UNC13C: variants seen among roughly 807,000 people sequenced by gnomAD.
The protein encoded by UNC13C is unc-13 homolog C.
In UNC13C, 174 loss-of-function variants were observed where a neutral mutation model predicts 245.4. The observed-to-expected ratio is 0.71, with a 90% CI of 0.63 to 0.80. The LOEUF (loss-of-function observed/expected upper bound fraction) is 0.80. Ranked by LOEUF, UNC13C falls within the 30% of genes least tolerant of loss-of-function variation. The pLI, the probability that UNC13C is intolerant of heterozygous loss-of-function variation, is 0.00. For synonymous variants in UNC13C, 992 were observed against 895.1 expected, an observed-to-expected ratio of 1.11 and a Z score of -1.93; for missense variants, 2,829 against 2,602.9, an observed-to-expected ratio of 1.09 and a Z score of -1.89.
chr15:53,925,712 T>C, the UNC13C span, among the ~76,000 whole-genome samples: 1 of 152,294 alleles, frequency 6.6e-6, no homozygotes, highest in South Asian at 2.1e-4. Context: ...GGAGAAACAA[T>C]CCCTGGTGAA....
In UNC13C at chr15:54,525,612, G is replaced by A; in HGVS notation, c.5521G>A (p.Glu1841Lys). ...GGTTAAGCTCAGTGGGGTCCTGGAT[G>A]AGCTCAGCGTCACTTATGGTGAAAG... is the stretch of plus-strand genomic sequence containing the variant. ...LQVKLSGVLD[E>K]LSVTYGESFQ... The change falls in exon 25 of 33, where the codon GAG (glutamate) becomes AAG (lysine). Residue 1841 changes from glutamate to lysine, a missense_variant. By Grantham distance (56) the Glu-to-Lys change is moderately conservative. Transcript: ENST00000260323. 2 of 1,612,798 alleles carry A rather than the reference G, an allele frequency of 1.2e-6. No homozygotes were observed. Among genetic ancestry groups the A allele is most frequent in the Non-Finnish European group, 8.5e-7 (1 of 1,179,424 alleles).
chr15:54,147,359 A>C (rs576028404), intron 4 of UNC13C, among the ~76,000 whole-genome samples: 2 of 151,892 alleles, frequency 1.3e-5, no homozygotes, highest in Admixed American at 1.3e-4. Context: ...AGCTGGGACT[A>C]CAGGCGCCCT....
intron 11 of UNC13C, among the ~76,000 whole-genome samples, chr15:54,294,648 A>G (rs962097614): frequency 6.6e-6 from 1 of 152,164 alleles, no homozygotes; most frequent in African/African-American, 2.4e-5. Context: ...TTTTACTAGA[A>G]TAAAATAATA....
chr15:54,448,979 A>G (rs1209559054), intron 19 of UNC13C, among the ~76,000 whole-genome samples: 1 of 152,200 alleles, frequency 6.6e-6, no homozygotes, highest in Non-Finnish European at 1.5e-5. Flanking sequence ...GGTGATGACA[A>G]AATCCCTCAG....
intron 19 of UNC13C, among the ~76,000 whole-genome samples, chr15:54,451,491 T>C (rs62010140): frequency 0.3 from 45,596 of 152,028 alleles, 7,339 homozygotes; most frequent in East Asian, 0.52. Flanking sequence ...TCTGACTGGA[T>C]TATTTTAAAG....
intron 19 of UNC13C, among the ~76,000 whole-genome samples, chr15:54,480,025 G>A (rs1893014458): frequency 6.6e-6 from 1 of 152,044 alleles, no homozygotes; most frequent in African/African-American, 2.4e-5. Context: ...TAAGCTTTCT[G>A]CTGAGAAGCT....
At chr15:54,454,817 CA>C (rs1891386364) in intron 19 of UNC13C, among the ~76,000 whole-genome samples, 1 of 151,804 alleles carries the variant, frequency 6.6e-6, no homozygotes, top group South Asian at 2.1e-4. Context: ...TTCATTCATT[CA>C]TTCATTCATT....
In UNC13C at chr15:54,351,630, G is replaced by A. The variant is rs75835589; in HGVS notation, c.4713+13141G>A. Among the ~76,000 whole-genome samples the A allele has an allele frequency of 4.0e-3, 615 of 152,164 alleles. 26 individuals carry two copies. In the East Asian group the frequency reaches 0.085, roughly 21 times the overall value. On this transcript the variant is annotated intron_variant, in intron 17 of 32. Transcript: ENST00000260323. ...ATACAGCAATTAAGATCAACACGGA[G>A]GCAGTATGGTGGAGTATATTATAAA...
chr15:54,516,799 C>CAAAAAAAAAAAAAAAAAAAAAAAAAAA (rs59628073), intron 24 of UNC13C, among the ~76,000 whole-genome samples: 27 of 123,600 alleles, frequency 2.2e-4, no homozygotes, highest in African/African-American at 4.5e-4. Context: ...GATGCTGTCT[C>CAAAAAAAAAAAAAAAAAAAAAAAAAAA]AAAAAAAAAA....
chr15:54,035,760 G>A (rs1418130591), intron 2 of UNC13C, among the ~76,000 whole-genome samples: 1 of 152,046 alleles, frequency 6.6e-6, no homozygotes, highest in Admixed American at 6.6e-5. Flanking sequence ...ATAGATGAGC[G>A]CACCCAATGC....
intron 4 of UNC13C, among the ~76,000 whole-genome samples, chr15:54,175,543 C>T (rs1052558394): frequency 1.1e-4 from 14 of 124,840 alleles, no homozygotes; most frequent in African/African-American, 4.0e-4. Flanking sequence ...GACGGAGTCT[C>T]GCACTGTAGC....
the UNC13C span, among the ~76,000 whole-genome samples, chr15:53,955,496 A>C: frequency 1.3e-5 from 2 of 152,230 alleles, no homozygotes. Context: ...GCTCCAGCCA[A>C]AAAGATGTAG....
At chr15:54,460,172 G>T (rs1891758709) in intron 19 of UNC13C, among the ~76,000 whole-genome samples, 1 of 152,142 alleles carries the variant, frequency 6.6e-6, no homozygotes. Context: ...TTCTAAGTTT[G>T]TCCACCCAGT....
intron 2 of UNC13C, among the ~76,000 whole-genome samples, chr15:54,041,112 C>T (rs1487675676): frequency 6.6e-6 from 1 of 152,178 alleles, no homozygotes; most frequent in Admixed American, 6.5e-5. Flanking sequence ...TAATGGATAA[C>T]GTAGAGGAGC....
At chr15:54,599,166 G>C (rs1899260851) in intron 30 of UNC13C, among the ~76,000 whole-genome samples, 2 of 151,942 alleles carry the variant, frequency 1.3e-5, no homozygotes, top group African/African-American at 2.4e-5. Context: ...CACATATATA[G>C]GTAGAGAAAT....
chr15:54,241,453 A>G (rs1485209331), intron 7 of UNC13C, among the ~76,000 whole-genome samples: 2 of 152,176 alleles, frequency 1.3e-5, no homozygotes, highest in Admixed American at 1.3e-4. Flanking sequence ...ACACCCAGGT[A>G]CTTCAGACCC....
intron 4 of UNC13C, among the ~76,000 whole-genome samples, chr15:54,223,079 G>A (rs1230717776): frequency 2.0e-5 from 3 of 152,148 alleles, no homozygotes; most frequent in African/African-American, 7.2e-5. Flanking sequence ...CCTTTGCTGT[G>A]CAGAAGCTTT....
At chr15:54,237,027 A>T (rs544567841) in intron 6 of UNC13C, among the ~76,000 whole-genome samples, 1 of 152,270 alleles carries the variant, frequency 6.6e-6, no homozygotes, top group East Asian at 1.9e-4. Context: ...TGGTGAGGAA[A>T]CTAAAGGGAC....
chr15:54,572,164 A>G (rs1042022828), intron 30 of UNC13C, among the ~76,000 whole-genome samples: 1 of 151,970 alleles, frequency 6.6e-6, no homozygotes, highest in South Asian at 2.1e-4. Context: ...GTCAACATGT[A>G]TCTAAACTCT....
Sources: allele counts gnomAD v4.1 joint callset (sites outside exome capture counted in the v4.1 genomes callset), GRCh38; gene constraint gnomAD v4.1.1; transcripts MANE v1.5; gene names NCBI Gene and HGNC (gene_info 2026-07-23, HGNC 2026-07-21).